FAM120B: variants seen among roughly 807,000 people sequenced by gnomAD.
The protein encoded by FAM120B is family with sequence similarity 120 member B.
A neutral mutation model predicts 96.3 loss-of-function variants in FAM120B; 83 were observed. The observed-to-expected ratio is 0.86, with a 90% CI of 0.72 to 1.03. The LOEUF is 1.03. Among genes scored for constraint, FAM120B ranks in the 50% least tolerant of loss-of-function variants. The pLI is 0.00. For synonymous variants in FAM120B, 407 were observed against 402.7 expected, an observed-to-expected ratio of 1.01 and a Z score of -0.13; for missense variants, 1,027 against 1,121.2, an observed-to-expected ratio of 0.92 and a Z score of 1.20.
chr6:170,366,051 T>C (rs1788772634), intron 6 of FAM120B, among the ~76,000 whole-genome samples: 1 of 152,090 alleles, frequency 6.6e-6, no homozygotes, highest in Admixed American at 6.5e-5. Context: ...GCCTAAGTCT[T>C]GTACGAAAAA....
In FAM120B at chr6:170,405,447, T is replaced by G. The variant is rs1200214415; in HGVS notation, c.*696T>G. ...AAGCTGGATGAGGGGCTGATTCATG[T>G]CCTGGGCATGACAGAGCGGGAGGCA... On this transcript the variant is annotated 3_prime_UTR_variant, in exon 11 of 11. Transcript: ENST00000476287. 2.0e-5 allele frequency: 3 copies of G among 152,214 alleles called. No individual in the cohort carries two copies. The highest frequency in any genetic ancestry group is 2.9e-5 in the Non-Finnish European group (2 of 68,036). 9.4% of individuals were successfully genotyped at this position (152,214 alleles called of 1,614,324 possible). A position where few individuals can be genotyped will look rare whatever the true frequency, so the allele number is the denominator to read the frequency against.
At chr6:170,393,293 G>A (rs1013471689) in intron 8 of FAM120B, among the ~76,000 whole-genome samples, 3 of 152,224 alleles carry the variant, frequency 2.0e-5, no homozygotes, top group Non-Finnish European at 2.9e-5. Context: ...GGCAGTAGGC[G>A]TGGCGGTTGT....
At chr6:170,380,220 C>T (rs909923867) in intron 6 of FAM120B, among the ~76,000 whole-genome samples, 9 of 151,582 alleles carry the variant, frequency 5.9e-5, no homozygotes, top group Non-Finnish European at 1.2e-4. Flanking sequence ...TATTCCATTT[C>T]GAATATGTAC....
At chr6:170,380,836 C>T (rs1209550372) in intron 6 of FAM120B, among the ~76,000 whole-genome samples, 1 of 152,192 alleles carries the variant, frequency 6.6e-6, no homozygotes, top group Non-Finnish European at 1.5e-5. Flanking sequence ...TGCTGTTCAG[C>T]TAAGCTTTGC....
intron 6 of FAM120B, among the ~76,000 whole-genome samples, chr6:170,365,696 C>A (rs573533071): frequency 2.3e-3 from 344 of 152,130 alleles, no homozygotes; most frequent in Middle Eastern, 3.4e-3. Flanking sequence ...CCTCCTGACA[C>A]ACACACACAC....
At chr6:170,359,653 G>A (rs1203609297) in intron 6 of FAM120B, among the ~76,000 whole-genome samples, 1 of 152,086 alleles carries the variant, frequency 6.6e-6, no homozygotes, top group African/African-American at 2.4e-5. Flanking sequence ...TGCCCAGGCT[G>A]GTCTCAGACT....
In FAM120B at chr6:170,317,472, G is replaced by A. The variant is rs1248722155; in HGVS notation, c.82G>A (p.Glu28Lys). 6.2e-7 allele frequency: 1 copy of A among 1,614,210 alleles called. No individual in the cohort carries two copies. Among genetic ancestry groups the A allele is most frequent in the South Asian group, 1.1e-5 (1 of 91,086 alleles). ...AGTAGTAAATTTCAAAGAACTGGCA[G>A]AGCACCACCGAAGCAAGTATCCTGG... is the stretch of plus-strand genomic sequence containing the variant. ...CTVVNFKELA[E>K]HHRSKYPGCT... The change falls in exon 2 of 11, where the codon GAG (glutamate) becomes AAG (lysine). Residue 28 changes from glutamate (E) to lysine (K), a missense_variant. Glu to Lys is a moderately conservative substitution (Grantham distance 56). Around this residue, in one of 3 missense-constraint regions of FAM120B, gnomAD observed 880 missense variants for 980.9 expected, o/e 0.90. Transcript: ENST00000476287.
At chr6:170,345,507 C>T (rs1787121547) in intron 4 of FAM120B, among the ~76,000 whole-genome samples, 1 of 152,244 alleles carries the variant, frequency 6.6e-6, no homozygotes, top group Non-Finnish European at 1.5e-5. Context: ...CCTTCTCCTG[C>T]AAGCTCTTCC....
intron 6 of FAM120B, among the ~76,000 whole-genome samples, chr6:170,382,816 G>C (rs1562588317): frequency 6.6e-6 from 1 of 152,044 alleles, no homozygotes; most frequent in Non-Finnish European, 1.5e-5. Context: ...TGTATGGAAG[G>C]GCAGTGAAAC....
intron 1 of FAM120B, among the ~76,000 whole-genome samples, chr6:170,314,645 C>A (rs989770369): frequency 1.3e-5 from 2 of 152,086 alleles, no homozygotes; most frequent in African/African-American, 4.8e-5. Context: ...GAATGAAAAG[C>A]CTGCATATAT....
intron 3 of FAM120B, among the ~76,000 whole-genome samples, chr6:170,329,009 G>T (rs1260510265): frequency 6.7e-6 from 1 of 149,826 alleles, no homozygotes; most frequent in African/African-American, 2.5e-5. Flanking sequence ...GGTGTAGGAC[G>T]AGGTCTCTTC....
chr6:170,340,466 T>C (rs1786745990), intron 4 of FAM120B, among the ~76,000 whole-genome samples: 2 of 152,208 alleles, frequency 1.3e-5, no homozygotes, highest in South Asian at 4.1e-4. Context: ...AGTTTGTTAT[T>C]ACCCATCTTC....
intron 6 of FAM120B, among the ~76,000 whole-genome samples, chr6:170,380,709 G>C (rs1391886800): frequency 1.3e-5 from 2 of 152,164 alleles, no homozygotes; most frequent in East Asian, 1.9e-4. Context: ...GTTTTTTGCT[G>C]TCGAGTTGTG....
intron 4 of FAM120B, among the ~76,000 whole-genome samples, chr6:170,338,447 C>T (rs1786585992): frequency 6.6e-6 from 1 of 152,118 alleles, no homozygotes; most frequent in South Asian, 2.1e-4. Flanking sequence ...CGTTTTACTT[C>T]CATTTATGTG....
In FAM120B at chr6:170,317,313, G is replaced by A. The variant is rs1784959000; in HGVS notation, c.-21-57G>A. The A allele has an allele frequency of 3.7e-6, 5 of 1,340,596 alleles. No homozygotes were observed. In the Admixed American group the frequency reaches 7.9e-5, roughly 21 times the overall value. 83.0% of individuals were successfully genotyped at this position (1,340,596 alleles called of 1,614,324 possible). A position where few individuals can be genotyped will look rare whatever the true frequency, so the allele number is the denominator to read the frequency against. ...TTAACTACTGTGTTTGCTTTGAAAG[G>A]TGCCATATATCTAATGATAATGCCA... On this transcript the variant is annotated intron_variant, in intron 1 of 10. Transcript: ENST00000476287.
chr6:170,325,929 T>G (rs1785564517), intron 3 of FAM120B, among the ~76,000 whole-genome samples: 1 of 152,112 alleles, frequency 6.6e-6, no homozygotes, highest in South Asian at 2.1e-4. Flanking sequence ...TGCAATTACT[T>G]TTAATATCTT....
At chr6:170,337,752 A>G (rs190973334) in intron 4 of FAM120B, among the ~76,000 whole-genome samples, 536 of 152,178 alleles carry the variant, frequency 3.5e-3, no homozygotes, top group Non-Finnish European at 4.4e-3. Flanking sequence ...TTCCTGGTTT[A>G]GTCTTGGAAG....
intron 5 of FAM120B, among the ~76,000 whole-genome samples, chr6:170,356,795 T>C (rs1479225427): frequency 1.3e-5 from 2 of 152,212 alleles, no homozygotes; most frequent in Admixed American, 6.5e-5. Flanking sequence ...ACCTCCCAGT[T>C]AACAACAGCC....
chr6:170,340,910 G>A (rs2115108786), intron 4 of FAM120B, among the ~76,000 whole-genome samples: 1 of 152,280 alleles, frequency 6.6e-6, no homozygotes. Flanking sequence ...TCTCCTGTAT[G>A]AGGTGTCTGT....
Sources: gnomAD v4.1 joint callset for allele counts (sites outside exome capture counted in the v4.1 genomes callset) on GRCh38, gnomAD v4.1.1 for gene constraint, gnomAD v4.1.1 regional missense constraint, MANE v1.5 for transcripts, NCBI Gene and HGNC (gene_info 2026-07-23, HGNC 2026-07-21) for gene names.